Variants in MOB1B observed in about 807,000 individuals in gnomAD.
MOB1B encodes MOB kinase activator 1B, also known as MOB1 Mps One Binder homolog B.
MOB1B carries 19 observed loss-of-function variants against 24.4 expected under a neutral mutation model. The ratio of observed to expected loss-of-function variants is 0.78; its 90% confidence interval spans 0.54 to 1.14. The LOEUF (loss-of-function observed/expected upper bound fraction) is 1.14. Ranked by LOEUF, MOB1B falls within the 50% of genes most tolerant of loss-of-function variation. The pLI is 0.00. For synonymous variants in MOB1B, 76 were observed against 82.1 expected (o/e 0.93, Z 0.40); for missense variants, 243 against 259.6 (o/e 0.94, Z 0.44).
At chr4:70,973,719 T>A (rs1448648740) in intron 3 of MOB1B, among the ~76,000 whole-genome samples, 13 of 152,182 alleles carry the variant, frequency 8.5e-5, no homozygotes, top group Admixed American at 2.0e-4. Context: ...TCAAGAGGTG[T>A]TGGAAAGTAT....
chr4:70,928,881 C>G (rs1470156302), intron 1 of MOB1B, among the ~76,000 whole-genome samples: 1 of 152,168 alleles, frequency 6.6e-6, no homozygotes, highest in East Asian at 1.9e-4. Context: ...AGCCCCTGCA[C>G]TCAGCCTTAT....
chr4:70,971,011 C>T (rs1738730175), intron 3 of MOB1B, among the ~76,000 whole-genome samples: 1 of 152,196 alleles, frequency 6.6e-6, no homozygotes, highest in Admixed American at 6.5e-5. Context: ...ACACCTCTTC[C>T]TGCAGAAGTA....
At chr4:70,967,833 A>G (rs888369135) in intron 2 of MOB1B, among the ~76,000 whole-genome samples, 2 of 151,984 alleles carry the variant, frequency 1.3e-5, no homozygotes, top group African/African-American at 4.8e-5. Context: ...TTAAAATTAA[A>G]TTTTTATTTT....
chr4:70,976,753 C>CACAT, intron 4 of MOB1B: 4 of 180,914 alleles, frequency 2.2e-5, no homozygotes, highest in Non-Finnish European at 3.7e-5. Flanking sequence ...GACTGAATTA[C>CACAT]ATATATATAT....
intron 1 of MOB1B, among the ~76,000 whole-genome samples, chr4:70,927,085 C>T (rs114945834): frequency 3.5e-3 from 526 of 152,142 alleles, no homozygotes; most frequent in Non-Finnish European, 5.7e-3. Context: ...TAGATGTGCT[C>T]CTTAATGGTT....
At chr4:70,936,473 C>CT (rs1283329764) in intron 1 of MOB1B, among the ~76,000 whole-genome samples, 11 of 152,292 alleles carry the variant, frequency 7.2e-5, no homozygotes, top group Non-Finnish European at 1.5e-4. Context: ...TCTGAAAGCA[C>CT]TGGCATCACA....
In MOB1B at chr4:70,982,131, G is replaced by C. The variant is rs996079352; in HGVS notation, c.*74G>C. ...TGTATTGGGGATTTTGTTATATTTT[G>C]TTTTTATCTGGATTGTTTTTGTCCT... On this transcript the variant is annotated 3_prime_UTR_variant, in exon 6 of 6. Transcript: ENST00000309395. The C allele has an allele frequency of 1.1e-5, 13 of 1,132,598 alleles. No homozygotes were observed. In the African/African-American group the frequency reaches 1.4e-4, roughly 12 times the overall value. 70.2% of individuals were successfully genotyped at this position (1,132,598 alleles called of 1,614,324 possible).
At chr4:70,975,007 G>T (rs780320154) in intron 3 of MOB1B, 146 bp from the exon 4 acceptor site, 2 of 540,564 alleles carry the variant, frequency 3.7e-6, no homozygotes, top group Non-Finnish European at 5.7e-6. Context: ...GTAGTCCACT[G>T]GGTATTTAAA....
chr4:70,935,715 T>C (rs992440981), intron 1 of MOB1B, among the ~76,000 whole-genome samples: 9 of 152,016 alleles, frequency 5.9e-5, no homozygotes, highest in Middle Eastern at 6.8e-3. Context: ...TGGAGTGCAG[T>C]GGCTCACTGC....
intron 1 of MOB1B, among the ~76,000 whole-genome samples, chr4:70,948,601 A>G (rs763303380): frequency 2.0e-5 from 3 of 152,052 alleles, no homozygotes; most frequent in Non-Finnish European, 4.4e-5. Context: ...TACTGATTAT[A>G]TTTAGTATGT....
chr4:70,914,186 G>A (rs960858072), intron 1 of MOB1B, among the ~76,000 whole-genome samples: 5 of 152,152 alleles, frequency 3.3e-5, no homozygotes, highest in Non-Finnish European at 1.5e-5. Context: ...AAATCTGCTG[G>A]TGACTTGATC....
chr4:70,981,789 T>C (rs1469939010), intron 5 of MOB1B, among the ~76,000 whole-genome samples, 191 bp from the exon 6 acceptor site: 3 of 152,188 alleles, frequency 2.0e-5, no homozygotes, highest in African/African-American at 7.2e-5. Context: ...ATGTCACAGA[T>C]GTAAAAGCAT....
At chr4:70,943,180 C>A (rs1231482560) in intron 1 of MOB1B, among the ~76,000 whole-genome samples, 2 of 152,004 alleles carry the variant, frequency 1.3e-5, no homozygotes, top group Non-Finnish European at 2.9e-5. Context: ...GTTTTTTTGA[C>A]ATAATATTGT....
intron 1 of MOB1B, among the ~76,000 whole-genome samples, chr4:70,954,653 AC>A (rs1737962382): frequency 1.3e-5 from 2 of 152,010 alleles, no homozygotes; most frequent in East Asian, 3.9e-4. Context: ...ATAGGGTTTC[AC>A]CATGTTGGGC....
At chr4:70,939,760 A>G (rs1737254942) in intron 1 of MOB1B, among the ~76,000 whole-genome samples, 2 of 152,176 alleles carry the variant, frequency 1.3e-5, no homozygotes, top group Admixed American at 1.3e-4. Context: ...CTTTTAGTTT[A>G]CCCATCAGCT....
chr4:70,942,235 A>G (rs1737375370), intron 1 of MOB1B, among the ~76,000 whole-genome samples: 1 of 152,158 alleles, frequency 6.6e-6, no homozygotes. Context: ...ACTTTTGTGT[A>G]CATATTACCA....
intron 2 of MOB1B, among the ~76,000 whole-genome samples, chr4:70,966,059 GA>G (rs1245557945): frequency 6.6e-6 from 1 of 152,006 alleles, no homozygotes; most frequent in Admixed American, 6.6e-5. Context: ...ACAAAGAATG[GA>G]AAAAATATTA....
chr4:70,936,876 C>T (rs938135265), intron 1 of MOB1B, among the ~76,000 whole-genome samples: 8 of 151,912 alleles, frequency 5.3e-5, no homozygotes, highest in African/African-American at 1.2e-4. Context: ...TGTCTGGGAT[C>T]GAAGTTCCAT....
chr4:70,908,116 C>T (rs1469629710), intron 1 of MOB1B, among the ~76,000 whole-genome samples: 2 of 151,398 alleles, frequency 1.3e-5, no homozygotes, highest in African/African-American at 4.9e-5. Flanking sequence ...ACCTCCACCT[C>T]CCGGGTTCAC....
Sources: allele counts gnomAD v4.1 joint callset (sites outside exome capture counted in the v4.1 genomes callset), GRCh38; gene constraint gnomAD v4.1.1; transcripts MANE v1.5; gene names NCBI Gene and HGNC (gene_info 2026-07-23, HGNC 2026-07-21).